TEX14: variants seen among roughly 807,000 people sequenced by gnomAD.
TEX14 encodes testis expressed 14, intercellular bridge forming factor.
Under a neutral mutation model 178.6 loss-of-function variants are expected in TEX14, and 168 were observed. The ratio of observed to expected loss-of-function variants is 0.94; its 90% CI spans 0.83 to 1.07. The LOEUF is 1.07. TEX14 is among the 50% of genes least tolerant of loss of function. TEX14 has a pLI of 0.00. For synonymous variants in TEX14, 626 were observed against 634.1 expected (o/e 0.99, Z 0.19); for missense variants, 1,730 against 1,753.6 (o/e 0.99, Z 0.24).
chr17:58,617,823 C>T (rs1173294278), intron 5 of TEX14, among the ~76,000 whole-genome samples: 1 of 152,178 alleles, frequency 6.6e-6, no homozygotes, highest in African/African-American at 2.4e-5. Context: ...CCTTGTGTAG[C>T]CCCTCACAGG....
Position 58,671,917 on chromosome 17 carries a change from G to A in TEX14, c.-1-19915C>T, listed in dbSNP as rs78462690. Among the ~76,000 whole-genome samples the A allele has an allele frequency of 1.6e-4, 25 of 152,102 alleles. 1 individual carries two copies. In the East Asian group the frequency reaches 4.8e-3, roughly 29 times the overall value. The stretch of plus-strand genomic sequence containing the variant: ...TAGCCCCATCTCTCACCTACTTCAT[G>A]CTGCAGCACAGCGTATTTCCTCTAT... On this transcript the variant is annotated intron_variant, in intron 1 of 31. Transcript: ENST00000349033.
intron 24 of TEX14, 147 bp from the exon 25 acceptor site, chr17:58,570,631 T>C (rs2144358380): frequency 2.2e-6 from 1 of 457,900 alleles, no homozygotes; most frequent in Non-Finnish European, 3.6e-6. Context: ...TTTTTTTTTT[T>C]TTTTTTTTTT....
chr17:58,609,837 A>T (rs930771360), intron 10 of TEX14, among the ~76,000 whole-genome samples: 1 of 152,216 alleles, frequency 6.6e-6, no homozygotes, highest in African/African-American at 2.4e-5. Flanking sequence ...TAAAACAGAA[A>T]TCCCTGCCTC....
At chr17:58,604,888 AT>A (rs2045568416) in intron 11 of TEX14, 89 bp downstream of exon 11, 1 of 1,432,464 alleles carries the variant, frequency 7.0e-7, no homozygotes, top group Non-Finnish European at 9.7e-7. Context: ...TAAGTCTTCT[AT>A]TTTCATAAAA....
chr17:58,624,266 C>T (rs897981760), intron 3 of TEX14, among the ~76,000 whole-genome samples: 3 of 151,954 alleles, frequency 2.0e-5, no homozygotes, highest in African/African-American at 7.2e-5. Context: ...GCACTCCAGC[C>T]TGGGAGACAG....
intron 1 of TEX14, among the ~76,000 whole-genome samples, chr17:58,681,008 G>A (rs1391478567): frequency 2.6e-5 from 4 of 152,122 alleles, no homozygotes; most frequent in Non-Finnish European, 5.9e-5. Context: ...TGGGCCAGGT[G>A]CAGTGGCTCA....
chr17:58,598,529 C>T (rs530179468), intron 14 of TEX14, among the ~76,000 whole-genome samples: 12 of 152,204 alleles, frequency 7.9e-5, no homozygotes, highest in African/African-American at 2.9e-4. Flanking sequence ...TTGATACATA[C>T]GAATTTACAG....
intron 14 of TEX14, among the ~76,000 whole-genome samples, chr17:58,595,231 C>A (rs1343175789): frequency 2.0e-5 from 3 of 152,136 alleles, no homozygotes; most frequent in Non-Finnish European, 2.9e-5. Flanking sequence ...AAATAAACTT[C>A]AATTGTCTGA....
intron 2 of TEX14, among the ~76,000 whole-genome samples, chr17:58,635,465 C>T (rs1309929725): frequency 6.7e-6 from 1 of 149,678 alleles, no homozygotes; most frequent in Non-Finnish European, 1.5e-5. Flanking sequence ...AGTCTCACTC[C>T]GTAGCCCATG....
intron 1 of TEX14, among the ~76,000 whole-genome samples, chr17:58,683,958 G>A (rs1488486952): frequency 6.6e-6 from 1 of 151,684 alleles, no homozygotes. Flanking sequence ...CCAGCTACTC[G>A]GGAGGCTGAG....
At chr17:58,590,461 A>T (rs375679475) in intron 15 of TEX14, among the ~76,000 whole-genome samples, 8 of 152,274 alleles carry the variant, frequency 5.3e-5, no homozygotes, top group African/African-American at 1.9e-4. Flanking sequence ...TTTACAAGTA[A>T]CTGTGTCCCT....
At chr17:58,690,406 T>C (rs143143941) in intron 1 of TEX14, among the ~76,000 whole-genome samples, 32 of 152,308 alleles carry the variant, frequency 2.1e-4, no homozygotes, top group African/African-American at 7.0e-4. Flanking sequence ...GATCAAGCGA[T>C]GTGCCCTCTT....
At chr17:58,581,499 A>C in intron 19 of TEX14, 1 of 1,257,992 alleles carries the variant, frequency 7.9e-7, no homozygotes, top group Non-Finnish European at 1.1e-6. Context: ...AAAGGTATAA[A>C]AAATCCTGGT....
chr17:58,634,364 G>C (rs2046386938), intron 2 of TEX14, among the ~76,000 whole-genome samples: 1 of 152,128 alleles, frequency 6.6e-6, no homozygotes, highest in African/African-American at 2.4e-5. Flanking sequence ...AGTGAGCTGA[G>C]ATTGTGCCAC....
intron 20 of TEX14, among the ~76,000 whole-genome samples, chr17:58,577,887 TGTGGGC>T (rs759343741): frequency 1.2e-4 from 19 of 152,106 alleles, no homozygotes; most frequent in Admixed American, 2.6e-4. Flanking sequence ...AAACACTAGG[TGTGGGC>T]GTGGGCGTGG....
chr17:58,655,742 C>T (rs2046944517), intron 1 of TEX14, among the ~76,000 whole-genome samples: 1 of 152,172 alleles, frequency 6.6e-6, no homozygotes, highest in Non-Finnish European at 1.5e-5. Flanking sequence ...CGAGACGAGC[C>T]CTCCTTTAAG....
At chr17:58,611,501 C>A (rs1293693827) in intron 9 of TEX14, among the ~76,000 whole-genome samples, 162 bp from the exon 10 acceptor site, 1 of 152,212 alleles carries the variant, frequency 6.6e-6, no homozygotes, top group Non-Finnish European at 1.5e-5. Context: ...AAGTGAATGG[C>A]CTGACGTCCC....
At position 58,616,218 on chromosome 17, in the gene TEX14, G is replaced by C; in HGVS notation, c.724C>G (p.Pro242Ala). ...EKEVIQADDEPTFSFFSGPYM... is the reference protein window; with the variant it reads ...EKEVIQADDEATFSFFSGPYM... ...GGGCCGCTGAAGAAAGAGAAGGTGG[G>C]CTCATCATCAGCTTGAATCACTTCC... Residue 242 changes from proline (P) to alanine (A), a missense_variant, in exon 7 of 32, where the codon CCC (proline) becomes GCC (alanine). Pro to Ala is a conservative substitution (Grantham distance 27). This residue lies in a region of TEX14 where 789 missense variants were observed against 681.2 expected (regional missense o/e 1.16). Transcript: ENST00000349033. 1 of 1,613,940 alleles carries C rather than the reference G, an allele frequency of 6.2e-7. No homozygotes were observed. Among genetic ancestry groups the C allele is most frequent in the East Asian group, 2.2e-5 (1 of 44,870 alleles).
At chr17:58,669,599 T>G (rs900230583) in intron 1 of TEX14, among the ~76,000 whole-genome samples, 1 of 151,402 alleles carries the variant, frequency 6.6e-6, no homozygotes, top group African/African-American at 2.4e-5. Context: ...CCAGGTGTGG[T>G]GGCGCATGCC....
Sources: gnomAD v4.1 joint callset for allele counts (sites outside exome capture counted in the v4.1 genomes callset) on GRCh38, gnomAD v4.1.1 for gene constraint, gnomAD v4.1.1 regional missense constraint, MANE v1.5 for transcripts, NCBI Gene and HGNC (gene_info 2026-07-23, HGNC 2026-07-21) for gene names.